Variants in DLEC1 observed in about 807,000 individuals in gnomAD.
DLEC1 encodes deleted in lung and esophageal cancer protein 1.
Under a neutral mutation model 198.1 loss-of-function variants are expected in DLEC1, and 146 were observed. The ratio of observed to expected loss-of-function variants is 0.74; its 90% confidence interval spans 0.64 to 0.85. DLEC1 has a LOEUF of 0.85. Among genes scored for constraint, DLEC1 ranks in the 40% least tolerant of loss-of-function variants. The pLI is 0.00. For synonymous variants in DLEC1, 897 were observed against 866.8 expected (o/e 1.03, Z -0.61); for missense variants, 2,233 against 2,220.0 (o/e 1.01, Z -0.12).
In DLEC1 at chr3:38,108,466, G is replaced by A. The variant is rs763205177; in HGVS notation, c.3080G>A (p.Gly1027Asp). 8.1e-6 allele frequency: 13 copies of A among 1,614,056 alleles called. No individual in the cohort carries two copies. In the African/African-American group the frequency reaches 1.6e-4, roughly 20 times the overall value. ...GTCTCCCCCAAACATGGCCTGCTGG[G>A]CCCAAGTGAGGAGTGCCAGCTCAAG... ...VTVSPKHGLL[G>D]PSEECQLKLE... The change falls in exon 21 of 37, where the codon GGC (glycine) becomes GAC (aspartate). Residue 1027 changes from glycine (G) to aspartate (D), a missense_variant. Transcript: ENST00000308059.
rs1699042739 is a variant in DLEC1, at chr3:38,096,737, G to A, written c.2340G>A (p.Lys780=). The A allele has an allele frequency of 6.2e-7, 1 of 1,605,450 alleles. No individual in the cohort carries two copies. Among genetic ancestry groups the A allele is most frequent in the Non-Finnish European group, 8.5e-7 (1 of 1,175,848 alleles). Residue 780 remains lysine (K), a splice_region_variant and synonymous_variant, in exon 15 of 37, where the codon AAG becomes AAA. Transcript: ENST00000308059. ...YIGINVKKAF[K]MWNNSKSPIR... is the part of the protein sequence containing the mutation. ...GGATAAATGTGAAGAAGGCTTTTAA[G>A]GTAGGTCATTGTCTCTCCCCTGCCT...
intron 18 of DLEC1, among the ~76,000 whole-genome samples, 182 bp from the exon 19 acceptor site, chr3:38,100,104 C>G (rs958571416): frequency 6.6e-6 from 1 of 152,222 alleles, no homozygotes; most frequent in African/African-American, 2.4e-5. Flanking sequence ...TTTCTATGCT[C>G]TTAATCCTGA....
chr3:38,107,555 A>G, intron 19 of DLEC1, 29 bp from the exon 20 acceptor site: 1 of 1,556,526 alleles, frequency 6.4e-7, no homozygotes, highest in Non-Finnish European at 8.7e-7. Context: ...TTTTCTAATC[A>G]GTATGCCTTT....
chr3:38,049,678 C>T (rs1225414000), intron 2 of DLEC1, among the ~76,000 whole-genome samples: 1 of 152,172 alleles, frequency 6.6e-6, no homozygotes, highest in Non-Finnish European at 1.5e-5. Context: ...CCTGACAGCT[C>T]CTGCAGACAC....
chr3:38,044,485 C>G (rs942300469), intron 1 of DLEC1, among the ~76,000 whole-genome samples: 2 of 151,894 alleles, frequency 1.3e-5, no homozygotes, highest in Non-Finnish European at 2.9e-5. Context: ...ATCACTTGAA[C>G]CCGGGAGGCA....
chr3:38,052,227 T>G (rs1181824496), intron 2 of DLEC1: 1 of 464,878 alleles, frequency 2.2e-6, no homozygotes, highest in Non-Finnish European at 4.3e-6. Flanking sequence ...GTAGCCATAG[T>G]GGGCAGTACC....
At chr3:38,084,032 A>C in intron 6 of DLEC1, 126 bp from the exon 7 acceptor site, 1 of 810,980 alleles carries the variant, frequency 1.2e-6, no homozygotes, top group Non-Finnish European at 2.0e-6. Context: ...GACAGTTACC[A>C]ACATGTGGCC....
intron 26 of DLEC1, 120 bp downstream of exon 26, chr3:38,114,580 C>T: frequency 1.0e-6 from 1 of 1,002,540 alleles, no homozygotes; most frequent in South Asian, 1.5e-5. Context: ...ATTGGTGCCA[C>T]CTACAAGAAG....
At position 38,062,229 on chromosome 3, in the gene DLEC1, A is replaced by T. The variant is rs776231381; in HGVS notation, c.734A>T (p.Lys245Met). Residue 245 changes from lysine (K) to methionine (M), a missense_variant, in exon 4 of 37, where the codon AAG becomes ATG. Coordinates refer to ENST00000308059, the MANE Select transcript of DLEC1 (RefSeq NM_007335.4). ...TFSCEKRSVQ[K>M]KELNKKLEDS... is the part of the protein sequence containing the mutation. Reference sequence around the variant, plus strand: ...AGCTGTGAGAAGCGTTCCGTCCAGAAGAAAGAGCTGAACAAGAAGCTTGAA... The same window carrying T: ...AGCTGTGAGAAGCGTTCCGTCCAGATGAAAGAGCTGAACAAGAAGCTTGAA... 1 of 1,614,244 alleles carries T rather than the reference A, an allele frequency of 6.2e-7. No individual in the cohort carries two copies. Among genetic ancestry groups the T allele is most frequent in the Non-Finnish European group, 8.5e-7 (1 of 1,180,044 alleles).
chr3:38,054,236 A>G (rs974879321), intron 2 of DLEC1, among the ~76,000 whole-genome samples: 1 of 150,276 alleles, frequency 6.7e-6, no homozygotes, highest in Non-Finnish European at 1.5e-5. Context: ...CAAACAAACA[A>G]AAACAAAAAC....
At chr3:38,118,155 C>A in intron 33 of DLEC1, 131 bp downstream of exon 33, 1 of 1,007,058 alleles carries the variant, frequency 9.9e-7, no homozygotes, top group Non-Finnish European at 1.5e-6. Flanking sequence ...CCATACCCTG[C>A]ATGAACACTC....
chr3:38,070,825 C>T (rs1697276871), intron 6 of DLEC1, among the ~76,000 whole-genome samples: 1 of 152,138 alleles, frequency 6.6e-6, no homozygotes, highest in Admixed American at 6.5e-5. Context: ...TAAGGCGGGG[C>T]AGGGCATTTT....
At chr3:38,047,148 A>T (rs1247398633) in intron 2 of DLEC1, among the ~76,000 whole-genome samples, 1 of 152,258 alleles carries the variant, frequency 6.6e-6, no homozygotes, top group African/African-American at 2.4e-5. Flanking sequence ...CATTTTATAG[A>T]GAGGTATTCT....
intron 12 of DLEC1, 128 bp from the exon 13 acceptor site, chr3:38,094,751 C>G: frequency 9.1e-7 from 1 of 1,099,546 alleles, no homozygotes; most frequent in South Asian, 1.6e-5. Context: ...GGTGTGAAGG[C>G]TGACCTGGTT....
chr3:38,122,398 C>T lies in DLEC1; in HGVS notation c.5254C>T (p.Pro1752Ser), dbSNP rs200562564. ...QGSYDERYML[P>S]HQP ...CTCCTATGATGAGAGATACATGTTG[C>T]CTCACCAGCCCTGAGGCTCCGCCCC... Residue 1752 changes from proline (P) to serine (S), a missense_variant, in exon 37 of 37, where the codon CCT becomes TCT. Pro to Ser is a moderately conservative substitution (Grantham distance 74, BLOSUM62 -1). Coordinates refer to ENST00000308059, the MANE Select transcript of DLEC1 (RefSeq NM_007335.4). The T allele has an allele frequency of 1.2e-6, 2 of 1,614,184 alleles. No individual in the cohort carries two copies. The highest frequency in any genetic ancestry group is 1.1e-5 in the South Asian group (1 of 91,084).
At chr3:38,089,594 A>G (rs1425596491) in intron 10 of DLEC1, among the ~76,000 whole-genome samples, 4 of 152,162 alleles carry the variant, frequency 2.6e-5, no homozygotes, top group African/African-American at 9.7e-5. Flanking sequence ...AGGCCCATAC[A>G]CAGGCCAGGT....
intron 34 of DLEC1, among the ~76,000 whole-genome samples, chr3:38,121,144 C>T (rs373919462): frequency 6.6e-6 from 1 of 152,182 alleles, no homozygotes; most frequent in African/African-American, 2.4e-5. Context: ...GGAGCCGAGG[C>T]GCTCTAGCCT....
chr3:38,053,441 G>A (rs1340665039), intron 2 of DLEC1, among the ~76,000 whole-genome samples: 6 of 131,520 alleles, frequency 4.6e-5, no homozygotes, highest in Non-Finnish European at 6.5e-5. Flanking sequence ...GCCCGGCCGC[G>A]ACCCCGTCTG....
chr3:38,099,876 C>G lies in DLEC1; in HGVS notation c.2725-410C>G, dbSNP rs371754102. 3.3e-5 allele frequency among the ~76,000 whole-genome samples: 5 copies of G among 152,050 alleles called. No homozygotes were observed. The East Asian group carries it at 5.8e-4, about 18-fold the overall frequency. On this transcript the variant is annotated intron_variant, in intron 18 of 36. Coordinates refer to ENST00000308059, the MANE Select transcript of DLEC1 (RefSeq NM_007335.4). ...CGTGGGTGCAAAGGAGAAATCTGGC[C>G]ACAATAGACTCTCCCCTCCCCTAAT...
Sources: gnomAD v4.1 joint callset for allele counts (sites outside exome capture counted in the v4.1 genomes callset) on GRCh38, gnomAD v4.1.1 for gene constraint, MANE v1.5 for transcripts, NCBI Gene and HGNC (gene_info 2026-07-23, HGNC 2026-07-21) for gene names.